Variants in SLC25A17 observed in about 807,000 individuals in gnomAD.
The protein encoded by SLC25A17 is solute carrier family 25 member 17, also known as peroxisomal membrane protein PMP34.
In SLC25A17, 26 loss-of-function variants were observed where a neutral mutation model predicts 38.5. The observed-to-expected ratio is 0.68, with a 90% CI of 0.50 to 0.94. The LOEUF is 0.94. SLC25A17 is among the 40% of genes least tolerant of loss of function. The pLI, the probability that SLC25A17 is intolerant of heterozygous loss-of-function variation, is 0.00. For synonymous variants in SLC25A17, 139 were observed against 136.2 expected (o/e 1.02, Z -0.14); for missense variants, 333 against 372.7 (o/e 0.89, Z 0.88).
chr22:40,774,033 G>GA lies in SLC25A17; in HGVS notation c.694-15dup, dbSNP rs775875016. On this transcript the variant is annotated splice_polypyrimidine_tract_variant and intron_variant, in intron 7 of 8. Transcript: ENST00000435456. Reference sequence around the variant, plus strand: ...ATGACGCCCAAACTGAGGAAAGAGGGAAAAAAAACAAAAGTACTGTTGCTG... The same window carrying GA: ...ATGACGCCCAAACTGAGGAAAGAGGGAAAAAAAAACAAAAGTACTGTTGCTG... The GA allele has an allele frequency of 1.1e-4, 169 of 1,548,636 alleles. No homozygotes were observed. Among genetic ancestry groups the GA allele is most frequent in the Non-Finnish European group, 1.3e-4 (152 of 1,126,000 alleles).
At position 40,799,157 on chromosome 22, in the gene SLC25A17, G is replaced by A. The variant is rs978230520; in HGVS notation, c.55-74C>T. The A allele has an allele frequency of 3.1e-5, 36 of 1,149,198 alleles. No homozygotes were observed. In the African/African-American group the frequency reaches 5.5e-4, roughly 18 times the overall value. The allele number at this position is 1,149,198 out of a possible 1,614,324, so 71.2% of individuals were successfully genotyped here. On this transcript the variant is annotated intron_variant, in intron 1 of 8. Transcript: ENST00000435456. The stretch of plus-strand genomic sequence containing the variant: ...TCACAACTTTTTTTTTTTGAGACAG[G>A]ATCTTGCTCTGTCATCTAGGCTGGA...
intron 1 of SLC25A17, among the ~76,000 whole-genome samples, chr22:40,809,940 T>C: frequency 6.6e-6 from 1 of 152,180 alleles, no homozygotes; most frequent in East Asian, 1.9e-4. Flanking sequence ...AAGCTATATA[T>C]TATATAGGAT....
chr22:40,779,071 T>G lies in SLC25A17; in HGVS notation c.389A>C (p.Lys130Thr). 1 of 1,614,224 alleles carries G rather than the reference T, an allele frequency of 6.2e-7. No homozygotes were observed. The highest frequency in any genetic ancestry group is 8.5e-7 in the Non-Finnish European group (1 of 1,180,032). Reference protein sequence around the residue: ...TPLWVVNTRLKLQGAKFRNED... With the variant: ...TPLWVVNTRLTLQGAKFRNED... The stretch of plus-strand genomic sequence containing the variant: ...ATTCCTAAATTTTGCTCCTTGAAGC[T>G]TCAGTCTGGTGTTTACCACCCAGAG... The change falls in exon 5 of 9, where the codon AAG (lysine) becomes ACG (threonine). Residue 130 changes from lysine (K) to threonine (T), a missense_variant. Physicochemically the swap from Lys to Thr is moderately conservative, Grantham distance 78 (BLOSUM62 -1). Coordinates refer to ENST00000435456, the MANE Select transcript of SLC25A17 (RefSeq NM_006358.4).
intron 7 of SLC25A17, among the ~76,000 whole-genome samples, chr22:40,774,962 C>T (rs1439179462): frequency 6.6e-6 from 1 of 152,130 alleles, no homozygotes. Flanking sequence ...AGTGCCACCA[C>T]CGTGGTCCAG....
At chr22:40,808,081 C>CCA (rs10692247) in intron 1 of SLC25A17, among the ~76,000 whole-genome samples, 1 of 151,632 alleles carries the variant, frequency 6.6e-6, no homozygotes, top group Non-Finnish European at 1.5e-5. Context: ...TACTGTTGTG[C>CCA]GAGAGGCATA....
chr22:40,816,313 T>C (rs2057639194), intron 1 of SLC25A17, among the ~76,000 whole-genome samples: 1 of 152,038 alleles, frequency 6.6e-6, no homozygotes, highest in South Asian at 2.1e-4. Flanking sequence ...CTATTGCCAG[T>C]CACTCTCTCT....
chr22:40,804,588 ATTGAG>A (rs1212312728), intron 1 of SLC25A17, among the ~76,000 whole-genome samples: 6 of 151,766 alleles, frequency 4.0e-5, no homozygotes, highest in African/African-American at 1.5e-4. Flanking sequence ...TGTTTTTGCT[ATTGAG>A]TTGTGTGAGT....
intron 8 of SLC25A17, among the ~76,000 whole-genome samples, chr22:40,771,987 T>C (rs2057188107): frequency 6.6e-6 from 1 of 150,726 alleles, no homozygotes; most frequent in Admixed American, 6.6e-5. Flanking sequence ...ATACCTACTA[T>C]GTACCCACAA....
Position 40,794,541 on chromosome 22 carries a change from A to G in SLC25A17, c.155T>C (p.Leu52Pro), listed in dbSNP as rs762794886. ...TCCTTCTTCTTTAATGATCTCCAGG[A>G]GCACCATGTGTGTAGTTTTGGATTT... ...KRKSKTTHMV[L>P]LEIIKEEGLL... The change falls in exon 3 of 9, where the codon CTC becomes CCC. Residue 52 changes from leucine to proline, a missense_variant. Transcript: ENST00000435456. 6.2e-7 allele frequency: 1 copy of G among 1,611,952 alleles called. No individual in the cohort carries two copies. The highest frequency in any genetic ancestry group is 1.7e-4 in the Middle Eastern group (1 of 6,058).
Position 40,770,861 on chromosome 22 carries a change from C to T in SLC25A17, c.897G>A (p.Met299Ile). Residue 299 changes from methionine to isoleucine, a missense_variant, in exon 9 of 9, where the codon ATG becomes ATA. Coordinates refer to ENST00000435456, the MANE Select transcript of SLC25A17 (RefSeq NM_006358.4). ...EKLTAATFTV[M>I]GLKRAHQH Reference sequence around the variant, plus strand: ...AGTGTTGGTGTGCACGCTTCAGCCCCATAACTGTGAAGGTGGCAGCTGTCA... The same window carrying T: ...AGTGTTGGTGTGCACGCTTCAGCCCTATAACTGTGAAGGTGGCAGCTGTCA... 6.2e-7 allele frequency: 1 copy of T among 1,613,260 alleles called. No individual in the cohort carries two copies.
intron 4 of SLC25A17, among the ~76,000 whole-genome samples, chr22:40,781,182 G>GAAAAAA (rs1169583029): frequency 6.8e-6 from 1 of 147,660 alleles, no homozygotes; most frequent in African/African-American, 2.5e-5. Flanking sequence ...ATTAAAAAAA[G>GAAAAAA]AAAAAAGAAA....
chr22:40,794,165 GA>G (rs2057407220), intron 3 of SLC25A17, among the ~76,000 whole-genome samples: 1 of 152,052 alleles, frequency 6.6e-6, no homozygotes, highest in African/African-American at 2.4e-5. Flanking sequence ...GCTAAAACAA[GA>G]AGTACATAAT....
intron 2 of SLC25A17, chr22:40,798,370 G>T (rs1376803611): frequency 1.3e-5 from 2 of 152,078 alleles, no homozygotes; most frequent in African/African-American, 2.4e-5. Flanking sequence ...GTGCACCATT[G>T]GTTCCTCGGA....
At chr22:40,806,254 T>C (rs2057529021) in intron 1 of SLC25A17, among the ~76,000 whole-genome samples, 1 of 152,128 alleles carries the variant, frequency 6.6e-6, no homozygotes, top group Non-Finnish European at 1.5e-5. Context: ...AAGGAAAGGG[T>C]ACACACACAT....
At chr22:40,783,372 A>T (rs900432908) in intron 4 of SLC25A17, among the ~76,000 whole-genome samples, 1 of 152,246 alleles carries the variant, frequency 6.6e-6, no homozygotes, top group Non-Finnish European at 1.5e-5. Context: ...AATCAGCCTC[A>T]GTGGAGAACC....
intron 4 of SLC25A17, among the ~76,000 whole-genome samples, chr22:40,784,119 ATAT>A (rs1260060449): frequency 6.6e-6 from 1 of 152,096 alleles, no homozygotes; most frequent in East Asian, 1.9e-4. Context: ...CTATCTTACA[ATAT>A]TAGATTGTAA....
chr22:40,794,771 C>T (rs1207063175), intron 2 of SLC25A17, among the ~76,000 whole-genome samples, 191 bp from the exon 3 acceptor site: 1 of 152,052 alleles, frequency 6.6e-6, no homozygotes, highest in African/African-American at 2.4e-5. Flanking sequence ...AGGTGCACAC[C>T]ACCATGCCCA....
Position 40,770,565 on chromosome 22 carries a change from A to G in SLC25A17, c.*269T>C, listed in dbSNP as rs2057171077. 3.6e-6 allele frequency: 1 copy of G among 275,492 alleles called. No homozygotes were observed. The highest frequency in any genetic ancestry group is 6.8e-6 in the Non-Finnish European group (1 of 148,096). 17.1% of individuals were successfully genotyped at this position (275,492 alleles called of 1,614,324 possible). A position where few individuals can be genotyped will look rare whatever the true frequency, so the allele number is the denominator to read the frequency against. On this transcript the variant is annotated 3_prime_UTR_variant, in exon 9 of 9. Coordinates refer to ENST00000435456, the MANE Select transcript of SLC25A17 (RefSeq NM_006358.4). ...TCCATTTCTCTTAAGAAAACCAATA[A>G]ACACTCACAAACTTTCATTTTTAGG...
At chr22:40,782,814 A>G (rs1350538375) in intron 4 of SLC25A17, among the ~76,000 whole-genome samples, 2 of 152,218 alleles carry the variant, frequency 1.3e-5, no homozygotes, top group Admixed American at 6.5e-5. Flanking sequence ...AGTTATTGCT[A>G]AAAATTCCAA....
Sources: allele counts gnomAD v4.1 joint callset (sites outside exome capture counted in the v4.1 genomes callset), GRCh38; gene constraint gnomAD v4.1.1; transcripts MANE v1.5; gene names NCBI Gene and HGNC (gene_info 2026-07-23, HGNC 2026-07-21).